The following CNNM2 variants were observed in gnomAD, a reference collection of about 807,000 sequenced individuals.
CNNM2 encodes the protein metal transporter CNNM2.
In CNNM2, 12 loss-of-function variants were observed where a neutral mutation model predicts 66.9. The observed-to-expected ratio is 0.18, with a 90% CI of 0.11 to 0.29. The LOEUF is 0.29. CNNM2 is among the 10% of genes least tolerant of loss of function. The pLI is 1.00. For synonymous variants in CNNM2, 557 were observed against 501.8 expected, an observed-to-expected ratio of 1.11 and a Z score of -1.47; for missense variants, 705 against 1,167.7, an observed-to-expected ratio of 0.60 and a Z score of 5.77.
chr10:102,962,756 C>A (rs1251973974), intron 1 of CNNM2, among the ~76,000 whole-genome samples: 4 of 148,320 alleles, frequency 2.7e-5, no homozygotes, highest in African/African-American at 9.9e-5. Context: ...ATTTTACCAT[C>A]AATATCTTTG....
At chr10:103,009,518 A>G (rs74444347) in intron 1 of CNNM2, among the ~76,000 whole-genome samples, 1 of 151,660 alleles carries the variant, frequency 6.6e-6, no homozygotes, top group East Asian at 1.9e-4. Context: ...ACCGTGAGAC[A>G]CTTGTCTACA....
chr10:102,980,703 G>A (rs2063706579), intron 1 of CNNM2, among the ~76,000 whole-genome samples: 2 of 152,088 alleles, frequency 1.3e-5, no homozygotes, highest in South Asian at 2.1e-4. Flanking sequence ...GATTTAAGAT[G>A]TGCTTTAGAT....
chr10:102,930,020 CT>C (rs1300973590), intron 1 of CNNM2, among the ~76,000 whole-genome samples: 1 of 152,070 alleles, frequency 6.6e-6, no homozygotes, highest in Non-Finnish European at 1.5e-5. Flanking sequence ...TTTTTTTCCC[CT>C]GGAAATCTTA....
At position 103,076,138 on chromosome 10, in the gene CNNM2, C is replaced by G. The variant is rs201183107; in HGVS notation, c.2286C>G (p.Leu762=). The G allele has an allele frequency of 1.9e-6, 3 of 1,611,176 alleles. No homozygotes were observed. The African/African-American group carries it at 4.0e-5, about 21-fold the overall frequency. Residue 762 remains leucine, a synonymous_variant, in exon 7 of 8, where the codon CTC becomes CTG. Transcript: ENST00000369878. ...RPCGLNHSDS[L]SRSDRIDAVT... ...GTGGCTTGAATCACTCAGACTCTCT[C>G]AGTCGAAGCGACCGGATTGACGCCG...
At position 102,919,860 on chromosome 10, in the gene CNNM2, C is replaced by T. The variant is rs1845555855; in HGVS notation, c.1380C>T (p.Thr460=). 1.9e-6 allele frequency: 3 copies of T among 1,614,074 alleles called. No homozygotes were observed. Among genetic ancestry groups the T allele is most frequent in the Admixed American group, 1.7e-5 (1 of 59,994 alleles). ...CACTCCGGGACTGCTTCATGATCAC[C>T]GGCGAAGCCATCCTGGACTTCAACA... is the stretch of plus-strand genomic sequence containing the variant. ...MTPLRDCFMI[T]GEAILDFNTM... The change falls in exon 1 of 8, where the codon ACC becomes ACT. Residue 460 remains threonine (T), a synonymous_variant. Coordinates refer to ENST00000369878, the MANE Select transcript of CNNM2 (RefSeq NM_017649.5).
rs185390365 is a variant in CNNM2 at position 103,046,589 on chromosome 10, T to C, written c.1622-3118T>C. On this transcript the variant is annotated intron_variant, in intron 1 of 7. Transcript: ENST00000369878. Reference sequence around the variant, plus strand: ...AATTAAAACAGAGACCTTCAAAACATTGGTTGATTTAAAGGACAATAATCC... The same window carrying C: ...AATTAAAACAGAGACCTTCAAAACACTGGTTGATTTAAAGGACAATAATCC... Among the ~76,000 whole-genome samples, 22 of 152,342 alleles carry C rather than the reference T, an allele frequency of 1.4e-4. No homozygotes were observed. In the East Asian group the frequency reaches 1.9e-3, roughly 13 times the overall value.
Position 103,077,373 on chromosome 10 carries a change from A to G in CNNM2, c.*193A>G. 3.6e-6 allele frequency: 2 copies of G among 553,690 alleles called. No homozygotes were observed. Among genetic ancestry groups the G allele is most frequent in the East Asian group, 2.8e-5 (1 of 35,178 alleles). The allele number at this position is 553,690 out of a possible 1,614,324, so 34.3% of individuals were successfully genotyped here. A position where few individuals can be genotyped will look rare whatever the true frequency, so the allele number is the denominator to read the frequency against. Reference sequence around the variant, plus strand: ...GGGAGGAATGGAAACGAGAGATGTGAAGTTGGCAGCCGGGGCATGGCGTTC... The same window carrying G: ...GGGAGGAATGGAAACGAGAGATGTGGAGTTGGCAGCCGGGGCATGGCGTTC... On this transcript the variant is annotated 3_prime_UTR_variant, in exon 8 of 8. Transcript: ENST00000369878.
intron 1 of CNNM2, among the ~76,000 whole-genome samples, chr10:102,929,178 T>C (rs1234814941): frequency 6.6e-6 from 1 of 152,150 alleles, no homozygotes; most frequent in African/African-American, 2.4e-5. Context: ...GAGAATTGCT[T>C]GAACCCAGGG....
chr10:103,050,564 T>C lies in CNNM2; in HGVS notation c.1765+714T>C, dbSNP rs373199267. Among the ~76,000 whole-genome samples the C allele has an allele frequency of 4.6e-5, 7 of 151,086 alleles. No individual in the cohort carries two copies. The South Asian group carries it at 1.5e-3, about 32-fold the overall frequency. ...AAAAAAAAAAAAAAGTGAATGGGAT[T>C]TGTTAAACTGATAGATGACAACTGT... On this transcript the variant is annotated intron_variant, in intron 2 of 7. Transcript: ENST00000369878.
At chr10:102,947,894 C>CA (rs780008348) in intron 1 of CNNM2, among the ~76,000 whole-genome samples, 178 of 150,516 alleles carry the variant, frequency 1.2e-3, no homozygotes, top group Non-Finnish European at 2.1e-3. Flanking sequence ...ACTAAAAATA[C>CA]AAAAAAAAAT....
intron 1 of CNNM2, among the ~76,000 whole-genome samples, chr10:103,048,895 G>A (rs922135827): frequency 3.3e-5 from 5 of 151,932 alleles, no homozygotes; most frequent in Non-Finnish European, 5.9e-5. Flanking sequence ...TTACTCTGTC[G>A]CCTAGGCTGG....
In CNNM2 at chr10:103,079,634, ATTCTC is replaced by A. The variant is rs2065737549; in HGVS notation, c.*2457_*2461del. On this transcript the variant is annotated 3_prime_UTR_variant, in exon 8 of 8. Transcript: ENST00000369878. The stretch of plus-strand genomic sequence containing the variant: ...TCGGTGTGATGGCTTCTTGCAAATT[ATTCTC>A]TTATAAAAGAGCTCGGCAGGAGTGG... 13 of 152,188 alleles carry A rather than the reference ATTCTC, an allele frequency of 8.5e-5. No individual in the cohort carries two copies. The highest frequency in any genetic ancestry group is 3.1e-4 in the African/African-American group (13 of 41,448). 9.4% of individuals were successfully genotyped at this position (152,188 alleles called of 1,614,324 possible). A position where few individuals can be genotyped will look rare whatever the true frequency, so the allele number is the denominator to read the frequency against.
At chr10:102,984,607 T>G (rs2063766935) in intron 1 of CNNM2, among the ~76,000 whole-genome samples, 2 of 152,334 alleles carry the variant, frequency 1.3e-5, no homozygotes, top group East Asian at 1.9e-4. Flanking sequence ...AACTAGATAT[T>G]TGACAATCTA....
intron 1 of CNNM2, chr10:102,920,974 T>C (rs1309332908): frequency 4.4e-6 from 2 of 451,104 alleles, no homozygotes; most frequent in Admixed American, 6.4e-5. Flanking sequence ...ATTTCTTGAC[T>C]CTTTCAGTTT....
rs58137673 is a variant in CNNM2, at chr10:102,986,779, C to CA, written c.1622-62911dup. ...GGGGTGACAGTGCAAGACTCAGTCT[C>CA]AAAAAAAAAAAAAAAAAGTTTTTAT... On this transcript the variant is annotated intron_variant, in intron 1 of 7. Coordinates refer to ENST00000369878, the MANE Select transcript of CNNM2 (RefSeq NM_017649.5). Among the ~76,000 whole-genome samples, 111,097 of 120,716 alleles carry CA rather than the reference C, an allele frequency of 0.92. 50,998 individuals are homozygous for CA. The highest frequency in any genetic ancestry group is 0.96 in the East Asian group (4,009 of 4,188). 79.2% of individuals were successfully genotyped at this position (120,716 alleles called of 152,430 possible).
At chr10:103,022,810 C>G (rs1206905821) in intron 1 of CNNM2, among the ~76,000 whole-genome samples, 1 of 152,104 alleles carries the variant, frequency 6.6e-6, no homozygotes, top group African/African-American at 2.4e-5. Flanking sequence ...TGGTGAGGGT[C>G]TCAGGAAGTT....
At position 103,054,612 on chromosome 10, in the gene CNNM2, T is replaced by G. The variant is rs200641125; in HGVS notation, c.1903+146T>G. ...TTTGTGTTTTGTTTTTTTTGTTTTT[T>G]TGTTTTGTTTTGTTTTTTTCTTTTT... On this transcript the variant is annotated intron_variant, in intron 3 of 7. Transcript: ENST00000369878. This position sits in a 1 kb window ranked among gnomAD's most constrained non-coding sequence, Gnocchi z 5.2. The G allele has an allele frequency of 6.0e-6, 4 of 670,748 alleles. No homozygotes were observed. The highest frequency in any genetic ancestry group is 6.7e-6 in the Non-Finnish European group (3 of 448,742). The allele number at this position is 670,748 out of a possible 1,614,324, so 41.5% of individuals were successfully genotyped here.
chr10:103,032,988 C>T (rs2064858627), intron 1 of CNNM2, among the ~76,000 whole-genome samples: 1 of 151,380 alleles, frequency 6.6e-6, no homozygotes, highest in Non-Finnish European at 1.5e-5. Context: ...TGTGGCTACC[C>T]ATGCCTGTAA....
Position 102,927,509 on chromosome 10 carries a change from C to T in CNNM2, c.1621+7408C>T, listed in dbSNP as rs143934882. On this transcript the variant is annotated intron_variant, in intron 1 of 7. Coordinates refer to ENST00000369878, the MANE Select transcript of CNNM2 (RefSeq NM_017649.5). ...GCGTGGTGGCTCATGCCTGTAATCC[C>T]GGCACTTTGGGAGGCCCAGGGAGGT... 29,096 of 1,547,128 alleles carry T rather than the reference C, an allele frequency of 0.019. 407 individuals carry two copies. Among genetic ancestry groups the T allele is most frequent in the Middle Eastern group, 0.035 (188 of 5,378 alleles).
Sources: allele counts gnomAD v4.1 joint callset (sites outside exome capture counted in the v4.1 genomes callset), GRCh38; gene constraint gnomAD v4.1.1; non-coding constraint Gnocchi (gnomAD v3.1); transcripts MANE v1.5; gene names NCBI Gene and HGNC (gene_info 2026-07-23, HGNC 2026-07-21).